CROCC2: variants seen among roughly 807,000 people sequenced by gnomAD.
CROCC2 encodes the protein ciliary rootlet coiled-coil protein 2.
CROCC2 carries 163 observed loss-of-function variants against 177.6 expected under a neutral mutation model. The observed-to-expected ratio is 0.92, with a 90% CI of 0.81 to 1.05. The LOEUF is 1.05. Ranked by LOEUF, CROCC2 falls within the 50% of genes least tolerant of loss-of-function variation. The pLI is 0.00. For missense variants in CROCC2, 1,929 were observed against 1,797.8 expected, an observed-to-expected ratio of 1.07 and a Z score of -1.32; for synonymous variants, 904 against 787.3, an observed-to-expected ratio of 1.15 and a Z score of -2.48.
rs895746805 is a variant in CROCC2, at chr2:240,925,863, C to T, written c.628C>T (p.Arg210Cys). Residue 210 changes from arginine (R) to cysteine (C), a missense_variant, in exon 5 of 32, where the codon CGC becomes TGC. Arg to Cys is a radical substitution (Grantham distance 180). Around this residue, in one of 3 missense-constraint regions of CROCC2, gnomAD observed 1,397 missense variants for 1,239.9 expected, o/e 1.13. Coordinates refer to ENST00000690015, the MANE Select transcript of CROCC2 (RefSeq NM_001351305.2). ...QRLQGELELRRWAQRQTRSGG... is the reference protein window; with the variant it reads ...QRLQGELELRCWAQRQTRSGG... ...CCTGCAGGGCGAGCTGGAGCTGAGGCGCTGGGCCCAGAGACAGGTGCTCCC... is the reference window on the plus strand; with the variant it reads ...CCTGCAGGGCGAGCTGGAGCTGAGGTGCTGGGCCCAGAGACAGGTGCTCCC... The T allele has an allele frequency of 5.0e-5, 36 of 713,684 alleles. No individual in the cohort carries two copies. In the East Asian group the frequency reaches 5.4e-4, roughly 11 times the overall value. 44.2% of individuals were successfully genotyped at this position (713,684 alleles called of 1,614,324 possible). A position where few individuals can be genotyped will look rare whatever the true frequency, so the allele number is the denominator to read the frequency against.
In CROCC2 at chr2:240,934,338, C is replaced by T. The variant is rs141564189; in HGVS notation, c.1654C>T (p.Arg552Cys). 10 of 1,548,252 alleles carry T rather than the reference C, an allele frequency of 6.5e-6. No individual in the cohort carries two copies. Among genetic ancestry groups the T allele is most frequent in the Admixed American group, 2.0e-5 (1 of 50,974 alleles). ...TCTGGTCTGGGGCCTCAGTCAAGGC[C>T]GCCTGCAGCAGCTGGAGGAGAAGGT... The part of the protein sequence containing the change: ...SCRALETSQG[R>C]LQQLEEKVSG... The change falls in exon 12 of 32, where the codon CGC (arginine) becomes TGC (cysteine). Residue 552 changes from arginine (R) to cysteine (C), a missense_variant. By Grantham distance (180) the Arg-to-Cys change is radical. Transcript: ENST00000690015.
intron 27 of CROCC2, among the ~76,000 whole-genome samples, chr2:240,968,801 G>A (rs544515753): frequency 2.6e-5 from 4 of 152,340 alleles, no homozygotes; most frequent in Admixed American, 2.0e-4. Context: ...TGGGTCTGAG[G>A]TTTTCAGGTG....
intron 28 of CROCC2, among the ~76,000 whole-genome samples, chr2:240,987,905 C>A (rs2059851081): frequency 6.6e-6 from 1 of 152,248 alleles, no homozygotes; most frequent in South Asian, 2.1e-4. Context: ...ATCATGGGAT[C>A]CCTTCCACAC....
intron 28 of CROCC2, among the ~76,000 whole-genome samples, chr2:240,986,754 A>T (rs2106493743): frequency 6.6e-6 from 1 of 152,298 alleles, no homozygotes; most frequent in South Asian, 2.1e-4. Context: ...AGGTGCCCAC[A>T]CAGCCACCCA....
At chr2:240,922,785 C>G (rs2059365201) in intron 4 of CROCC2, 140 bp downstream of exon 4, 1 of 476,048 alleles carries the variant, frequency 2.1e-6, no homozygotes, top group African/African-American at 2.0e-5. Context: ...GGGAGCCAAC[C>G]CAGGCCTCCA....
At chr2:240,989,553 G>GTTTCA in intron 29 of CROCC2, 101 bp from the exon 30 acceptor site, 1 of 1,173,378 alleles carries the variant, frequency 8.5e-7, no homozygotes, top group Non-Finnish European at 1.2e-6. Flanking sequence ...GGGCAGTGGG[G>GTTTCA]CCCACAAGGA....
chr2:240,941,687 A>C (rs2059495372), intron 14 of CROCC2, among the ~76,000 whole-genome samples: 1 of 152,232 alleles, frequency 6.6e-6, no homozygotes, highest in African/African-American at 2.4e-5. Flanking sequence ...TAAAATTATG[A>C]TATGCACAGT....
At chr2:240,957,847 G>A (rs2059603180) in intron 19 of CROCC2, 2 of 405,368 alleles carry the variant, frequency 4.9e-6, no homozygotes, top group South Asian at 2.0e-4. Context: ...CTGTGACCAT[G>A]CCCCTCCCTC....
At position 240,942,025 on chromosome 2, in the gene CROCC2, G is replaced by A. The variant is rs151014287; in HGVS notation, c.2170-4035G>A. 7.6e-3 allele frequency among the ~76,000 whole-genome samples: 1,159 copies of A among 152,334 alleles called. 12 individuals carry two copies. The highest frequency in any genetic ancestry group is 0.027 in the African/African-American group (1,126 of 41,572). ...CAAGGCACAGCCTTGGAAGCAGAGAGTAGTCCTTGATAGACAGCTGAACCT... is the reference window on the plus strand; with the variant it reads ...CAAGGCACAGCCTTGGAAGCAGAGAATAGTCCTTGATAGACAGCTGAACCT... On this transcript the variant is annotated intron_variant, in intron 14 of 31. Coordinates refer to ENST00000690015, the MANE Select transcript of CROCC2 (RefSeq NM_001351305.2).
At chr2:240,936,900 G>A (rs1460441701) in intron 14 of CROCC2, among the ~76,000 whole-genome samples, 1 of 152,244 alleles carries the variant, frequency 6.6e-6, no homozygotes, top group Admixed American at 6.5e-5. Flanking sequence ...TGGAGGAGGG[G>A]CCTGCTGGGA....
At chr2:240,943,946 A>G (rs565103470) in intron 14 of CROCC2, among the ~76,000 whole-genome samples, 3 of 152,282 alleles carry the variant, frequency 2.0e-5, no homozygotes, top group African/African-American at 7.2e-5. Context: ...TATCTCTCTA[A>G]TGCTTTTAAA....
rs536754887 is a variant in CROCC2 at position 240,972,892 on chromosome 2, C to T, written c.4401+4630C>T. On this transcript the variant is annotated intron_variant, in intron 27 of 31. Coordinates refer to ENST00000690015, the MANE Select transcript of CROCC2 (RefSeq NM_001351305.2). The surrounding 1 kb of genome is among the most constrained non-coding windows in gnomAD (Gnocchi z 7.1). ...ACACACCTAAGTCACCAGAGGCCCCCGCTTTTGACACACAGCAAACCCAGG... is the reference window on the plus strand; with the variant it reads ...ACACACCTAAGTCACCAGAGGCCCCTGCTTTTGACACACAGCAAACCCAGG... 5.1e-4 allele frequency among the ~76,000 whole-genome samples: 78 copies of T among 152,170 alleles called. No individual in the cohort carries two copies. Among genetic ancestry groups the T allele is most frequent in the African/African-American group, 1.8e-3 (76 of 41,520 alleles).
chr2:240,980,948 AG>A (rs1328517926), intron 27 of CROCC2, among the ~76,000 whole-genome samples: 1 of 90,628 alleles, frequency 1.1e-5, no homozygotes, highest in Non-Finnish European at 2.0e-5. Context: ...TCAGGAGCCC[AG>A]GCTCATCCCT....
chr2:240,987,161 G>A (rs369061462), intron 28 of CROCC2, among the ~76,000 whole-genome samples: 14 of 152,344 alleles, frequency 9.2e-5, no homozygotes, highest in African/African-American at 3.4e-4. Flanking sequence ...TGGGGGTGGA[G>A]GAGCAGGGGG....
Position 240,982,945 on chromosome 2 carries a change from G to C in CROCC2, c.4467G>C (p.Lys1489Asn). ...GGAGGCACAGCCAAGGTCTGGCCAAGCAGGGGAAGCTGCTGGAAGAACAGC... is the reference window on the plus strand; with the variant it reads ...GGAGGCACAGCCAAGGTCTGGCCAACCAGGGGAAGCTGCTGGAAGAACAGC... Reference protein sequence around the residue: ...ESRRHSQGLAKQGKLLEEQLT... With the variant: ...ESRRHSQGLANQGKLLEEQLT... The change falls in exon 28 of 32, where the codon AAG (lysine) becomes AAC (asparagine). Residue 1489 changes from lysine (K) to asparagine (N), a missense_variant. By Grantham distance (94) the Lys-to-Asn change is moderately conservative. Transcript: ENST00000690015. This position sits in a 1 kb window ranked among gnomAD's most constrained non-coding sequence, Gnocchi z 4.7. 1 of 1,550,494 alleles carries C rather than the reference G, an allele frequency of 6.4e-7. No individual in the cohort carries two copies. Among genetic ancestry groups the C allele is most frequent in the East Asian group, 2.4e-5 (1 of 40,914 alleles).
intron 27 of CROCC2, among the ~76,000 whole-genome samples, chr2:240,974,082 G>C (rs1188660989): frequency 6.6e-6 from 1 of 152,160 alleles, no homozygotes; most frequent in Non-Finnish European, 1.5e-5. Flanking sequence ...ACATACGTCT[G>C]CTTAGCATCA....
chr2:240,966,198 C>T (rs1053617592), intron 24 of CROCC2, 27 bp from the exon 25 acceptor site: 27 of 1,104,034 alleles, frequency 2.4e-5, no homozygotes, highest in East Asian at 9.7e-5. Flanking sequence ...TTCCTGTCCA[C>T]GACCCCTCCG....
chr2:240,916,369 TCTGCGTCCCC>T (rs1390260675), intron 1 of CROCC2, among the ~76,000 whole-genome samples: 1 of 11,302 alleles, frequency 8.8e-5, no homozygotes, highest in Middle Eastern at 0.062. Flanking sequence ...TGCGCCCCCC[TCTGCGTCCCC>T]CTGCGCCCCC....
chr2:240,984,464 C>T (rs2059822031), intron 28 of CROCC2, among the ~76,000 whole-genome samples: 1 of 151,914 alleles, frequency 6.6e-6, no homozygotes, highest in African/African-American at 2.4e-5. Context: ...CGAGGAGGAG[C>T]CTGCTATGTA....
Sources: gnomAD v4.1 joint callset for allele counts (sites outside exome capture counted in the v4.1 genomes callset) on GRCh38, gnomAD v4.1.1 for gene constraint, gnomAD v4.1.1 regional missense constraint, Gnocchi (gnomAD v3.1) non-coding constraint, MANE v1.5 for transcripts, NCBI Gene and HGNC (gene_info 2026-07-23, HGNC 2026-07-21) for gene names.